COLQ: variants seen among roughly 807,000 people sequenced by gnomAD.
COLQ encodes the protein acetylcholinesterase collagenic tail peptide.
A neutral mutation model predicts 69.0 loss-of-function variants in COLQ; 48 were observed. The observed-to-expected ratio is 0.70, with a 90% CI of 0.55 to 0.88. COLQ has a LOEUF of 0.88. Among genes scored for constraint, COLQ ranks in the 40% least tolerant of loss-of-function variants. The pLI is 0.00. For missense variants in COLQ, 618 were observed against 594.6 expected (o/e 1.04, Z -0.41); for synonymous variants, 217 against 211.2 (o/e 1.03, Z -0.24).
At chr3:15,489,286 A>G (rs1301492965) in intron 2 of COLQ, among the ~76,000 whole-genome samples, 5 of 152,202 alleles carry the variant, frequency 3.3e-5, no homozygotes, top group Admixed American at 3.3e-4. Flanking sequence ...GCCAAATCCA[A>G]TTCCTGCTAA....
At chr3:15,505,239 T>C (rs554108680) in intron 1 of COLQ, among the ~76,000 whole-genome samples, 2 of 152,316 alleles carry the variant, frequency 1.3e-5, no homozygotes, top group East Asian at 1.9e-4. Context: ...GAGCAGGTCA[T>C]TGAATCACTG....
chr3:15,458,282 C>A lies in COLQ; in HGVS notation c.858G>T (p.Gly286=), dbSNP rs756396914. 1.1e-5 allele frequency: 18 copies of A among 1,613,980 alleles called. No individual in the cohort carries two copies. Among genetic ancestry groups the A allele is most frequent in the Non-Finnish European group, 1.4e-5 (17 of 1,180,012 alleles). The stretch of plus-strand genomic sequence containing the variant: ...GTCCACAAAGACATCTTCCTGGAGG[C>A]CCGGGAAATCCTCTTTCCCCTTTGG... ...MGPKGERGFP[G]PPGRCLCGPT... Residue 286 remains glycine, a synonymous_variant, in exon 13 of 17, where the codon GGG becomes GGT. Transcript: ENST00000383788.
rs772842453 is a variant in COLQ at position 15,477,183 on chromosome 3, G to C, written c.408C>G (p.Pro136=). 6.2e-7 allele frequency: 1 copy of C among 1,606,040 alleles called. No homozygotes were observed. The highest frequency in any genetic ancestry group is 1.3e-5 in the African/African-American group (1 of 74,994). ...GCCCAGGCATGCCAGGAACACCTGG[G>C]GGGCCAGGTCTACCCTTCAAAGACC... ...GRPGRKGRPG[P]PGVPGMPGPI... is the part of the protein sequence containing the mutation. Residue 136 remains proline, a synonymous_variant, in exon 6 of 17, where the codon CCC becomes CCG. Coordinates refer to ENST00000383788, the MANE Select transcript of COLQ (RefSeq NM_005677.4).
At chr3:15,465,832 T>C (rs899875171) in intron 12 of COLQ, among the ~76,000 whole-genome samples, 7 of 151,040 alleles carry the variant, frequency 4.6e-5, no homozygotes, top group Non-Finnish European at 7.4e-5. Context: ...TTCAAACTCC[T>C]GACCTCAAGT....
chr3:15,486,605 T>C (rs1196163762), intron 3 of COLQ, among the ~76,000 whole-genome samples: 2 of 152,222 alleles, frequency 1.3e-5, no homozygotes, highest in East Asian at 3.8e-4. Flanking sequence ...CCTGTTAGTG[T>C]AGACTGCTGA....
intron 1 of COLQ, among the ~76,000 whole-genome samples, chr3:15,517,092 G>A (rs188440520): frequency 4.6e-5 from 7 of 152,208 alleles, no homozygotes; most frequent in East Asian, 3.9e-4. Context: ...GCAGTGAGCC[G>A]AGATCGCACC....
rs2062054086 is a variant in COLQ at position 15,458,295 on chromosome 3, C to A, written c.845G>T (p.Arg282Ile). 1 of 1,614,208 alleles carries A rather than the reference C, an allele frequency of 6.2e-7. No homozygotes were observed. The highest frequency in any genetic ancestry group is 8.5e-7 in the Non-Finnish European group (1 of 1,180,022). ...TCTTCCTGGAGGCCCGGGAAATCCT[C>A]TTTCCCCTTTGGGTCCCATTATAAG... ...GQLIMGPKGERGFPGPPGRCL... is the reference protein window; with the variant it reads ...GQLIMGPKGEIGFPGPPGRCL... Residue 282 changes from arginine to isoleucine, a missense_variant, in exon 13 of 17, where the codon AGA becomes ATA. Arg to Ile is a moderately conservative substitution (Grantham distance 97, BLOSUM62 -3). Coordinates refer to ENST00000383788, the MANE Select transcript of COLQ (RefSeq NM_005677.4).
At position 15,478,965 on chromosome 3, in the gene COLQ, C is replaced by T. The variant is rs372145044; in HGVS notation, c.393+12G>A. 2.2e-5 allele frequency: 36 copies of T among 1,614,078 alleles called. No homozygotes were observed. Among genetic ancestry groups the T allele is most frequent in the Middle Eastern group, 3.3e-4 (2 of 6,084 alleles). ...CGCTCATGTGACACTCACAGAACAGCGCAGACCATACCTTCCTTCCTGGTC... is the reference window on the plus strand; with the variant it reads ...CGCTCATGTGACACTCACAGAACAGTGCAGACCATACCTTCCTTCCTGGTC... On this transcript the variant is annotated intron_variant, in intron 5 of 16. Transcript: ENST00000383788.
chr3:15,451,930 C>A (rs1244495459), intron 16 of COLQ, among the ~76,000 whole-genome samples: 1 of 152,158 alleles, frequency 6.6e-6, no homozygotes, highest in Non-Finnish European at 1.5e-5. Context: ...GGTTGCCCTG[C>A]TCTTAGCACA....
chr3:15,503,231 C>T (rs543416624), intron 1 of COLQ, among the ~76,000 whole-genome samples: 84 of 152,322 alleles, frequency 5.5e-4, no homozygotes, highest in African/African-American at 1.9e-3. Flanking sequence ...ATCAGAGGAC[C>T]TTCTCTGAGT....
At chr3:15,506,704 T>A (rs1017298509) in intron 1 of COLQ, 1 of 152,198 alleles carries the variant, frequency 6.6e-6, no homozygotes, top group Non-Finnish European at 1.5e-5. Context: ...TTTGACCTGC[T>A]CTGTTTCTAA....
chr3:15,465,419 A>C (rs971015651), intron 12 of COLQ, among the ~76,000 whole-genome samples: 1 of 147,504 alleles, frequency 6.8e-6, no homozygotes, highest in Non-Finnish European at 1.5e-5. Flanking sequence ...GGCGCCCGCC[A>C]CCACGCCCGG....
At chr3:15,457,302 T>C (rs1212222648) in intron 13 of COLQ, among the ~76,000 whole-genome samples, 4 of 121,304 alleles carry the variant, frequency 3.3e-5, no homozygotes, top group African/African-American at 9.5e-5. Context: ...AAGCAATAGG[T>C]TGGTTAAACA....
intron 1 of COLQ, among the ~76,000 whole-genome samples, chr3:15,496,573 G>A (rs368180174): frequency 2.0e-5 from 3 of 152,208 alleles, no homozygotes; most frequent in Admixed American, 1.3e-4. Context: ...TATCTCCGTG[G>A]AGCCTGCAGA....
intron 1 of COLQ, chr3:15,498,545 A>G (rs1330961943): frequency 1.0e-5 from 16 of 1,551,918 alleles, no homozygotes; most frequent in Non-Finnish European, 1.3e-5. Context: ...AGCAGTCCTG[A>G]AATGATGAGC....
At chr3:15,472,891 T>C (rs2062313327) in intron 10 of COLQ, among the ~76,000 whole-genome samples, 1 of 152,046 alleles carries the variant, frequency 6.6e-6, no homozygotes, top group South Asian at 2.1e-4. Context: ...GACATGGTCT[T>C]TCTCTGTGCC....
intron 12 of COLQ, among the ~76,000 whole-genome samples, chr3:15,463,967 C>T (rs1223696463): frequency 6.6e-6 from 1 of 152,200 alleles, no homozygotes; most frequent in Non-Finnish European, 1.5e-5. Flanking sequence ...TGTTTGTTCT[C>T]CCAGTATTTC....
intron 1 of COLQ, among the ~76,000 whole-genome samples, chr3:15,501,994 A>T (rs1002682202): frequency 6.6e-6 from 1 of 151,864 alleles, no homozygotes; most frequent in African/African-American, 2.4e-5. Flanking sequence ...TGTCAGAATA[A>T]TTTTTTCTTT....
chr3:15,468,948 TAAC>T (rs1160200938), intron 11 of COLQ, among the ~76,000 whole-genome samples: 1 of 152,182 alleles, frequency 6.6e-6, no homozygotes, highest in African/African-American at 2.4e-5. Context: ...TGGATTGACT[TAAC>T]AATAACTTTC....
Sources: gnomAD v4.1 joint callset for allele counts (sites outside exome capture counted in the v4.1 genomes callset) on GRCh38, gnomAD v4.1.1 for gene constraint, MANE v1.5 for transcripts, NCBI Gene and HGNC (gene_info 2026-07-23, HGNC 2026-07-21) for gene names.